NT5DC3: variants seen among roughly 807,000 people sequenced by gnomAD.
NT5DC3 encodes the protein 5'-nucleotidase domain-containing protein 3.
In NT5DC3, 42 loss-of-function variants were observed where a neutral mutation model predicts 67.8. The observed-to-expected ratio is 0.62, with a 90% confidence interval of 0.48 to 0.80. The LOEUF (loss-of-function observed/expected upper bound fraction) is 0.80, where lower values mean the gene tolerates loss of function less well. NT5DC3 is among the 30% of genes least tolerant of loss of function. The pLI is 0.00. For synonymous variants in NT5DC3, 237 were observed against 255.6 expected (o/e 0.93, Z 0.69); for missense variants, 570 against 696.4 (o/e 0.82, Z 2.04).
At chr12:103,765,091 A>C in the NT5DC3 span, among the ~76,000 whole-genome samples, 4 of 79,328 alleles carry the variant, frequency 5.0e-5, no homozygotes, top group African/African-American at 1.3e-4. Flanking sequence ...TGTCTCAAAA[A>C]AAAAAAAAAA....
At chr12:103,747,426 A>G in the NT5DC3 span, among the ~76,000 whole-genome samples, 2 of 152,154 alleles carry the variant, frequency 1.3e-5, no homozygotes. Flanking sequence ...TCCTTTTCTG[A>G]ACTCCTTTTA....
intron 6 of NT5DC3, among the ~76,000 whole-genome samples, chr12:103,796,229 C>T (rs1886307199): frequency 6.6e-6 from 1 of 152,152 alleles, no homozygotes; most frequent in South Asian, 2.1e-4. Flanking sequence ...GACGAAGAGG[C>T]ACCCTGGCCG....
intron 3 of NT5DC3, 133 bp downstream of exon 3, chr12:103,806,721 GA>G (rs1886815598): frequency 1.6e-6 from 1 of 620,510 alleles, no homozygotes; most frequent in African/African-American, 1.8e-5. Context: ...AAATATATGT[GA>G]ATAAATTTGG....
rs1221700878 is a variant in NT5DC3 at position 103,840,374 on chromosome 12, A to ACAGCT, written c.208+570_208+574dup. ...GGACCTCTCCTCTTTCAAACACCGC[A>ACAGCT]CAGCTCATCTCATCTCATCTCATCT... On this transcript the variant is annotated intron_variant, in intron 1 of 13. Coordinates refer to ENST00000392876, the MANE Select transcript of NT5DC3 (RefSeq NM_001031701.3). 6.0e-4 allele frequency among the ~76,000 whole-genome samples: 55 copies of ACAGCT among 90,988 alleles called. No individual in the cohort carries two copies. In the South Asian group the frequency reaches 9.6e-3, roughly 16 times the overall value. 59.7% of individuals were successfully genotyped at this position (90,988 alleles called of 152,430 possible).
intron 1 of NT5DC3, among the ~76,000 whole-genome samples, chr12:103,825,930 C>T (rs1887676570): frequency 6.6e-6 from 1 of 152,164 alleles, no homozygotes; most frequent in South Asian, 2.1e-4. Context: ...AATTAATGTC[C>T]CAAGAACTCC....
chr12:103,748,253 A>G, the NT5DC3 span, among the ~76,000 whole-genome samples: 2 of 152,170 alleles, frequency 1.3e-5, no homozygotes, highest in East Asian at 1.9e-4. Flanking sequence ...CATCCTTAGA[A>G]TGAGTCTTCT....
downstream of NT5DC3, among the ~76,000 whole-genome samples, chr12:103,768,081 C>T (rs1483835002): frequency 3.6e-5 from 4 of 111,710 alleles, no homozygotes; most frequent in African/African-American, 1.4e-4. Context: ...GAGCAAGACT[C>T]CTTCTCAAAA....
intron 11 of NT5DC3, 45 bp downstream of exon 11, chr12:103,787,396 G>C (rs1885836567): frequency 1.1e-5 from 10 of 905,686 alleles, no homozygotes; most frequent in Non-Finnish European, 1.7e-5. Flanking sequence ...TAGTAAGTGA[G>C]ACTAACACAT....
intron 1 of NT5DC3, among the ~76,000 whole-genome samples, chr12:103,824,534 C>G (rs1887613678): frequency 6.6e-6 from 1 of 152,206 alleles, no homozygotes; most frequent in African/African-American, 2.4e-5. Flanking sequence ...CGCTGGGCCA[C>G]TCCTGAGGTG....
chr12:103,755,505 C>T, the NT5DC3 span: 1 of 1,610,494 alleles, frequency 6.2e-7, no homozygotes, highest in South Asian at 1.1e-5. Flanking sequence ...CTGGGCCACA[C>T]AGCTGCTGAG....
the NT5DC3 span, chr12:103,746,835 A>G: frequency 2.5e-6 from 2 of 794,936 alleles, no homozygotes; most frequent in Non-Finnish European, 2.1e-6. Flanking sequence ...TACCCTCTCT[A>G]TGACTCAGTT....
the NT5DC3 span, among the ~76,000 whole-genome samples, chr12:103,756,310 G>C: frequency 2.0e-5 from 3 of 152,218 alleles, no homozygotes; most frequent in Non-Finnish European, 2.9e-5. Flanking sequence ...TGACCTAACA[G>C]TAATAATGAC....
chr12:103,757,022 TATATATATAA>T, the NT5DC3 span, among the ~76,000 whole-genome samples: 34 of 128,628 alleles, frequency 2.6e-4, no homozygotes, highest in African/African-American at 8.3e-4. Context: ...TATATATATA[TATATATATAA>T]AATATATATA....
intron 4 of NT5DC3, among the ~76,000 whole-genome samples, chr12:103,801,640 CA>C (rs1278426654): frequency 1.3e-5 from 2 of 152,038 alleles, no homozygotes; most frequent in Non-Finnish European, 2.9e-5. Flanking sequence ...CTCAGCCTCC[CA>C]AAGTGCTGGG....
intron 11 of NT5DC3, among the ~76,000 whole-genome samples, chr12:103,786,789 TCTC>T (rs1202636944): frequency 4.6e-5 from 7 of 151,450 alleles, no homozygotes; most frequent in African/African-American, 1.7e-4. Context: ...TTCAAGCAAT[TCTC>T]CTGCCTCAGC....
At chr12:103,806,997 G>T (rs936651495) in intron 2 of NT5DC3, 68 bp from the exon 3 acceptor site, 1 of 928,150 alleles carries the variant, frequency 1.1e-6, no homozygotes, top group Non-Finnish European at 1.8e-6. Flanking sequence ...TCCAGATCTG[G>T]CCCTTGTACA....
intron 9 of NT5DC3, 83 bp downstream of exon 9, chr12:103,793,081 C>T: frequency 1.0e-6 from 1 of 993,500 alleles, no homozygotes; most frequent in Non-Finnish European, 1.6e-6. Context: ...GATTTTGCAA[C>T]TGGATTTTAC....
the NT5DC3 span, among the ~76,000 whole-genome samples, chr12:103,756,153 C>T: frequency 1.3e-5 from 2 of 152,176 alleles, no homozygotes; most frequent in Non-Finnish European, 2.9e-5. Flanking sequence ...GCTAAGCCTG[C>T]CTGGTGATCA....
At chr12:103,786,858 T>G (rs531041801) in intron 11 of NT5DC3, among the ~76,000 whole-genome samples, 13 of 152,218 alleles carry the variant, frequency 8.5e-5, no homozygotes, top group African/African-American at 2.6e-4. Context: ...AATTTTTGTA[T>G]TTTTAGTAGA....
Sources: allele counts gnomAD v4.1 joint callset (sites outside exome capture counted in the v4.1 genomes callset), GRCh38; gene constraint gnomAD v4.1.1; transcripts MANE v1.5; gene names NCBI Gene and HGNC (gene_info 2026-07-23, HGNC 2026-07-21).